PKHD1L1: variants seen among roughly 807,000 people sequenced by gnomAD.
The protein encoded by PKHD1L1 is PKHD1 like 1.
A neutral mutation model predicts 462.9 loss-of-function variants in PKHD1L1; 434 were observed. The observed-to-expected ratio is 0.94, with a 90% CI of 0.87 to 1.02. The LOEUF (loss-of-function observed/expected upper bound fraction) is 1.02, where lower values mean the gene tolerates loss of function less well. Ranked by LOEUF, PKHD1L1 falls within the 50% of genes least tolerant of loss-of-function variation. The pLI, the probability that PKHD1L1 is intolerant of heterozygous loss-of-function variation, is 0.00. For missense variants in PKHD1L1, 5,202 were observed against 5,096.1 expected (o/e 1.02, Z -0.63); for synonymous variants, 1,781 against 1,750.0 (o/e 1.02, Z -0.44).
Position 109,464,678 on chromosome 8 carries a change from G to C in PKHD1L1, c.7846G>C (p.Val2616Leu), listed in dbSNP as rs756500652. The change falls in exon 49 of 78, where the codon GTC (valine) becomes CTC (leucine). Residue 2616 changes from valine (V) to leucine (L), a missense_variant. This residue lies in a region of PKHD1L1 where 4,497 missense variants were observed against 4,336.8 expected (regional missense o/e 1.04). Coordinates refer to ENST00000378402, the MANE Select transcript of PKHD1L1 (RefSeq NM_177531.6). ...VPLGEFFNNT[V>L]HSQGWFGMWI... is the part of the protein sequence containing the mutation. ...CCTTGGCGAATTTTTTAACAATACT[G>C]TCCATTCTCAAGGTTGGTTTGGAAT... 6.2e-7 allele frequency: 1 copy of C among 1,613,436 alleles called. No individual in the cohort carries two copies. The highest frequency in any genetic ancestry group is 1.7e-5 in the Admixed American group (1 of 59,976).
rs896144488 is a variant in PKHD1L1, at chr8:109,483,229, T to C, written c.9576+124T>C. The C allele has an allele frequency of 1.3e-5, 9 of 686,770 alleles. No individual in the cohort carries two copies. The African/African-American group carries it at 1.5e-4, about 12-fold the overall frequency. 42.5% of individuals were successfully genotyped at this position (686,770 alleles called of 1,614,324 possible). On this transcript the variant is annotated intron_variant, in intron 57 of 77. Coordinates refer to ENST00000378402, the MANE Select transcript of PKHD1L1 (RefSeq NM_177531.6). ...ATTAACCAGATGAAAAATGTGTATT[T>C]TGCAATAAGCTTGCAAAAATGTATC...
chr8:109,451,240 A>G (rs1816479254), intron 41 of PKHD1L1, 91 bp downstream of exon 41: 5 of 1,344,556 alleles, frequency 3.7e-6, no homozygotes, highest in Non-Finnish European at 5.0e-6. Context: ...GTGCAGAAAT[A>G]CAGTCATGCA....
At chr8:109,429,550 G>GTCAAACCTCCT in intron 26 of PKHD1L1, 88 bp downstream of exon 26, 4 of 1,251,354 alleles carry the variant, frequency 3.2e-6, no homozygotes, top group Non-Finnish European at 4.4e-6. Flanking sequence ...TGAAACAGGA[G>GTCAAACCTCCT]GTTTGACTTC....
At chr8:109,439,808 G>C (rs1344176046) in intron 32 of PKHD1L1, among the ~76,000 whole-genome samples, 1 of 152,098 alleles carries the variant, frequency 6.6e-6, no homozygotes, top group Non-Finnish European at 1.5e-5. Flanking sequence ...AAATTTTATG[G>C]ATGCAAAAAG....
chr8:109,420,255 A>T (rs1483433590), intron 22 of PKHD1L1, among the ~76,000 whole-genome samples: 5 of 152,308 alleles, frequency 3.3e-5, no homozygotes, highest in Admixed American at 2.0e-4. Context: ...TTTGGTTTTT[A>T]CTTGATAGGG....
rs761281145 is a variant in PKHD1L1, at chr8:109,533,683, C to G, written c.*3593C>G. On this transcript the variant is annotated 3_prime_UTR_variant, in exon 78 of 78. Transcript: ENST00000378402. The stretch of plus-strand genomic sequence containing the variant: ...TTTCTGTTTTTCCAGCTACATGGAG[C>G]AAGATGGCTCCTGAGACCTGGAGGA... Among the ~76,000 whole-genome samples the G allele has an allele frequency of 6.6e-6, 1 of 152,094 alleles. No individual in the cohort carries two copies. The highest frequency in any genetic ancestry group is 1.5e-5 in the Non-Finnish European group (1 of 68,018).
chr8:109,518,121 A>G (rs1820364821), intron 72 of PKHD1L1, 46 bp from the exon 73 acceptor site: 1 of 1,184,736 alleles, frequency 8.4e-7, no homozygotes, highest in African/African-American at 1.5e-5. Context: ...TGATTGTGAT[A>G]ATATAAAATA....
chr8:109,447,223 C>T (rs778963677), intron 38 of PKHD1L1, among the ~76,000 whole-genome samples: 2 of 151,782 alleles, frequency 1.3e-5, no homozygotes, highest in African/African-American at 2.4e-5. Context: ...ACTCCATCTC[C>T]GAAACAAACA....
intron 21 of PKHD1L1, among the ~76,000 whole-genome samples, chr8:109,414,668 T>C (rs74534882): frequency 7.1e-4 from 108 of 152,196 alleles, no homozygotes; most frequent in Non-Finnish European, 1.3e-3. Flanking sequence ...CATCGTAGAA[T>C]AGAACTCTGT....
intron 21 of PKHD1L1, among the ~76,000 whole-genome samples, chr8:109,417,828 G>T (rs1472958477): frequency 6.6e-6 from 1 of 152,164 alleles, no homozygotes; most frequent in Non-Finnish European, 1.5e-5. Context: ...GGGATTACAG[G>T]CGTGAGCCAC....
At chr8:109,526,069 A>G (rs888026150) in intron 76 of PKHD1L1, among the ~76,000 whole-genome samples, 1 of 152,158 alleles carries the variant, frequency 6.6e-6, no homozygotes, top group Non-Finnish European at 1.5e-5. Flanking sequence ...TAGGAAGGAA[A>G]AATATATTGG....
In PKHD1L1 at chr8:109,456,465, A is replaced by G. The variant is rs371027969; in HGVS notation, c.7004+74A>G. ...TATACTGTATAAAGAGGGACAATTC[A>G]GATGGTGCATGACTATTTGGTTTAA... On this transcript the variant is annotated intron_variant, in intron 46 of 77. Transcript: ENST00000378402. 97 of 1,380,636 alleles carry G rather than the reference A, an allele frequency of 7.0e-5. 1 individual carries two copies. The African/African-American group carries it at 1.4e-3, about 20-fold the overall frequency. The allele number at this position is 1,380,636 out of a possible 1,614,324, so 85.5% of individuals were successfully genotyped here.
Position 109,389,130 on chromosome 8 carries a change from TA to T in PKHD1L1, c.677del (p.Lys226ArgfsTer16). ...ATGGAGATATGGGTTCTATGGTTTG[TA>T]AGACGACTGGAACTTTTATTGGCAA... The part of the protein sequence containing the change: ...PNGDMGSMVC[K>X]TTGTFIGHHN... On this transcript the variant is annotated frameshift_variant, in exon 8 of 78. Coordinates refer to ENST00000378402, the MANE Select transcript of PKHD1L1 (RefSeq NM_177531.6). LOFTEE classifies it high-confidence loss of function. The T allele has an allele frequency of 6.2e-7, 1 of 1,610,698 alleles. No homozygotes were observed. The highest frequency in any genetic ancestry group is 8.5e-7 in the Non-Finnish European group (1 of 1,177,616).
chr8:109,441,109 C>T (rs1157811178), intron 33 of PKHD1L1, among the ~76,000 whole-genome samples, 166 bp from the exon 34 acceptor site: 1 of 151,984 alleles, frequency 6.6e-6, no homozygotes, highest in Non-Finnish European at 1.5e-5. Context: ...TTAGTACTCA[C>T]ACATGATTAC....
Position 109,396,134 on chromosome 8 carries a change from G to A in PKHD1L1, c.919G>A (p.Gly307Arg). Residue 307 changes from glycine (G) to arginine (R), a missense_variant, in exon 11 of 78, where the codon GGA becomes AGA. Transcript: ENST00000378402. ...AGATTTCCCCGTCAGAGTTCTAGTT[G>A]GAGGTATTTCTCATGGTTTTTGATA... is the stretch of plus-strand genomic sequence containing the variant. ...QTDFPVRVLV[G>R]GEPCDILNVT... 6.2e-7 allele frequency: 1 copy of A among 1,602,516 alleles called. No individual in the cohort carries two copies. Among genetic ancestry groups the A allele is most frequent in the Non-Finnish European group, 8.5e-7 (1 of 1,173,730 alleles).
At chr8:109,526,019 G>A (rs1820797123) in intron 76 of PKHD1L1, among the ~76,000 whole-genome samples, 1 of 152,162 alleles carries the variant, frequency 6.6e-6, no homozygotes, top group African/African-American at 2.4e-5. Context: ...ATTCTGTGTG[G>A]TGACTATTAT....
Position 109,464,218 on chromosome 8 carries a change from A to G in PKHD1L1, c.7386A>G (p.Val2462=). 6.3e-7 allele frequency: 1 copy of G among 1,587,364 alleles called. No individual in the cohort carries two copies. Among genetic ancestry groups the G allele is most frequent in the South Asian group, 1.1e-5 (1 of 88,308 alleles). ...ACTGTGATTTCTGGGCTTAACAGGTATTCCATGCTGGCCAGGCTTTCCGGT... is the reference window on the plus strand; with the variant it reads ...ACTGTGATTTCTGGGCTTAACAGGTGTTCCATGCTGGCCAGGCTTTCCGGT... ...MVTGRIEYVE[V]FHAGQAFRLG... The change falls in exon 49 of 78, where the codon GTA becomes GTG. Residue 2462 remains valine (V), a splice_region_variant and synonymous_variant. Coordinates refer to ENST00000378402, the MANE Select transcript of PKHD1L1 (RefSeq NM_177531.6).
Position 109,464,745 on chromosome 8 carries a change from G to A in PKHD1L1, c.7913G>A (p.Cys2638Tyr), listed in dbSNP as rs762839543. 1 of 1,613,840 alleles carries A rather than the reference G, an allele frequency of 6.2e-7. No individual in the cohort carries two copies. Among genetic ancestry groups the A allele is most frequent in the Non-Finnish European group, 8.5e-7 (1 of 1,179,816 alleles). ...EEYFPMQTGS[C>Y]TSTVPAPAIF... ...TATTTCCCCATGCAAACGGGATCTT[G>A]TACATCTACAGTGCCTGCACCTGCA... The change falls in exon 49 of 78, where the codon TGT becomes TAT. Residue 2638 changes from cysteine to tyrosine, a missense_variant. Cys to Tyr is a radical substitution (Grantham distance 194). Around this residue, in one of 3 missense-constraint regions of PKHD1L1, gnomAD observed 4,497 missense variants for 4,336.8 expected, o/e 1.04. Transcript: ENST00000378402.
chr8:109,384,220 T>G, intron 5 of PKHD1L1, 93 bp downstream of exon 5: 1 of 984,942 alleles, frequency 1.0e-6, no homozygotes, highest in Non-Finnish European at 1.6e-6. Context: ...TCCTGCAATT[T>G]TTAAATAGCA....
Sources: allele counts gnomAD v4.1 joint callset (sites outside exome capture counted in the v4.1 genomes callset), GRCh38; gene constraint gnomAD v4.1.1; regional missense constraint gnomAD v4.1.1; transcripts MANE v1.5; gene names NCBI Gene and HGNC (gene_info 2026-07-23, HGNC 2026-07-21).